Variants in RHOT1 observed in about 807,000 individuals in gnomAD.
The protein encoded by RHOT1 is mitochondrial Rho GTPase 1.
A neutral mutation model predicts 95.3 loss-of-function variants in RHOT1; 27 were observed. The observed-to-expected ratio is 0.28, with a 90% confidence interval of 0.21 to 0.39. The LOEUF is 0.39. Ranked by LOEUF, RHOT1 falls within the 10% of genes least tolerant of loss-of-function variation. RHOT1 has a pLI of 1.00. For missense variants in RHOT1, 578 were observed against 786.7 expected (o/e 0.73, Z 3.17); for synonymous variants, 227 against 263.5 (o/e 0.86, Z 1.34).
intron 8 of RHOT1, among the ~76,000 whole-genome samples, chr17:32,186,530 A>AT (rs1285437487): frequency 1.1e-4 from 16 of 151,314 alleles, no homozygotes; most frequent in East Asian, 2.0e-4. Context: ...CGCCCGGCTA[A>AT]TTTTTTTTGT....
At chr17:32,171,534 G>T (rs369864780) in intron 2 of RHOT1, among the ~76,000 whole-genome samples, 1 of 152,078 alleles carries the variant, frequency 6.6e-6, no homozygotes, top group African/African-American at 2.4e-5. Flanking sequence ...TATTCTCTGT[G>T]TCTCAGTTGT....
chr17:32,220,274 A>T (rs957393146), intron 19 of RHOT1, among the ~76,000 whole-genome samples: 16 of 152,218 alleles, frequency 1.1e-4, no homozygotes, highest in African/African-American at 3.6e-4. Flanking sequence ...AAGCAGGAAG[A>T]TCACTTGAGC....
chr17:32,156,964 G>A (rs1338339994), intron 1 of RHOT1, among the ~76,000 whole-genome samples: 1 of 152,236 alleles, frequency 6.6e-6, no homozygotes, highest in Non-Finnish European at 1.5e-5. Flanking sequence ...GTATTTTATA[G>A]ATGAATAAGC....
chr17:32,163,226 A>G (rs952539875), intron 1 of RHOT1, among the ~76,000 whole-genome samples: 4 of 152,112 alleles, frequency 2.6e-5, no homozygotes, highest in African/African-American at 9.7e-5. Context: ...TAATGAGGAG[A>G]GAGACTGGAG....
chr17:32,161,048 CACAG>C (rs1327390414), intron 1 of RHOT1, among the ~76,000 whole-genome samples: 1 of 152,184 alleles, frequency 6.6e-6, no homozygotes, highest in Non-Finnish European at 1.5e-5. Context: ...CTGCCTGCTA[CACAG>C]ACAGACCAAT....
At position 32,202,851 on chromosome 17, in the gene RHOT1, A is replaced by G. The variant is rs572671723; in HGVS notation, c.1283A>G (p.Asn428Ser). Residue 428 changes from asparagine (N) to serine (S), a missense_variant, in exon 15 of 20, where the codon AAC becomes AGC. Physicochemically the swap from Asn to Ser is conservative, Grantham distance 46. Around this residue, in one of 4 missense-constraint regions of RHOT1, gnomAD observed 296 missense variants for 338.5 expected, o/e 0.87. Coordinates refer to ENST00000545287, the MANE Select transcript of RHOT1 (RefSeq NM_001033566.3). ...AGATGTAATGTAATTGGAGTGAAAA[A>G]CTGTGGGAAAAGTGGAGTTCTTCAG... ...VFRCNVIGVK[N>S]CGKSGVLQAL... 1.9e-6 allele frequency: 3 copies of G among 1,613,534 alleles called. No homozygotes were observed. The highest frequency in any genetic ancestry group is 2.5e-6 in the Non-Finnish European group (3 of 1,179,726).
intron 8 of RHOT1, among the ~76,000 whole-genome samples, chr17:32,186,939 C>A (rs9911425): frequency 2.6e-5 from 4 of 151,936 alleles, no homozygotes; most frequent in Admixed American, 2.0e-4. Flanking sequence ...TGCCTTTGCC[C>A]GCTTTTTAGT....
rs755028129 is a variant in RHOT1, at chr17:32,200,999, G to A, written c.1144G>A (p.Gly382Ser). The change falls in exon 14 of 20, where the codon GGC becomes AGC. Residue 382 changes from glycine to serine, a missense_variant. Around this residue, in one of 4 missense-constraint regions of RHOT1, gnomAD observed 296 missense variants for 338.5 expected, o/e 0.87. Coordinates refer to ENST00000545287, the MANE Select transcript of RHOT1 (RefSeq NM_001033566.3). ...TGTACAGCGGTGCCTGGAATATTTG[G>A]GCTATCTAGGCTATTCAATATTGAC... Reference protein sequence around the residue: ...LDVQRCLEYLGYLGYSILTEQ... With the variant: ...LDVQRCLEYLSYLGYSILTEQ... 15 of 1,612,318 alleles carry A rather than the reference G, an allele frequency of 9.3e-6. No individual in the cohort carries two copies. Among genetic ancestry groups the A allele is most frequent in the African/African-American group, 6.7e-5 (5 of 74,780 alleles).
At chr17:32,203,707 T>C (rs1053180864) in intron 15 of RHOT1, among the ~76,000 whole-genome samples, 183 bp from the exon 16 acceptor site, 2 of 152,216 alleles carry the variant, frequency 1.3e-5, no homozygotes, top group Non-Finnish European at 2.9e-5. Context: ...AATACATCTT[T>C]TATTTTAGGT....
At position 32,208,092 on chromosome 17, in the gene RHOT1, T is replaced by G. The variant is rs1487768703; in HGVS notation, c.1537-15T>G. 3.7e-6 allele frequency: 6 copies of G among 1,608,518 alleles called. No homozygotes were observed. In the Admixed American group the frequency reaches 5.0e-5, roughly 13 times the overall value. On this transcript the variant is annotated splice_polypyrimidine_tract_variant and intron_variant, in intron 17 of 19. Coordinates refer to ENST00000545287, the MANE Select transcript of RHOT1 (RefSeq NM_001033566.3). ...AACTTGTTATCAGATTTTGATTTCA[T>G]TTTTTATTCCATAGCAACACTTTAT...
At position 32,195,264 on chromosome 17, in the gene RHOT1, T is replaced by C. The variant is rs528585023; in HGVS notation, c.869+1157T>C. ...GTGTGCAACACAATGCCTGGCTTTT[T>C]TTTCTTTCTTTCTTTGTTTTCTTTT... On this transcript the variant is annotated intron_variant, in intron 11 of 19. Coordinates refer to ENST00000545287, the MANE Select transcript of RHOT1 (RefSeq NM_001033566.3). Among the ~76,000 whole-genome samples the C allele has an allele frequency of 9.2e-5, 14 of 152,190 alleles. No homozygotes were observed. In the East Asian group the frequency reaches 1.4e-3, roughly 15 times the overall value.
intron 6 of RHOT1, among the ~76,000 whole-genome samples, chr17:32,181,446 A>G (rs2035627462): frequency 6.6e-6 from 1 of 152,210 alleles, no homozygotes; most frequent in Admixed American, 6.5e-5. Context: ...TCTGTCTTAT[A>G]AAATATATCT....
At chr17:32,198,573 G>T (rs896956703) in intron 11 of RHOT1, among the ~76,000 whole-genome samples, 5 of 152,128 alleles carry the variant, frequency 3.3e-5, no homozygotes, top group African/African-American at 1.2e-4. Flanking sequence ...GCCAGGCATG[G>T]TAGTGTGCGC....
In RHOT1 at chr17:32,158,084, G is replaced by T. The variant is rs111836667; in HGVS notation, c.38-12959G>T. 1.8e-3 allele frequency among the ~76,000 whole-genome samples: 276 copies of T among 152,214 alleles called. 1 individual carries two copies. The highest frequency in any genetic ancestry group is 6.3e-3 in the African/African-American group (262 of 41,534). On this transcript the variant is annotated intron_variant, in intron 1 of 19. Transcript: ENST00000545287. Reference sequence around the variant, plus strand: ...TTGCCCAGGCTGGTCTCAAACTCCTGGGCTGAAGTGATCTGCCTGCCTCAG... The same window carrying T: ...TTGCCCAGGCTGGTCTCAAACTCCTTGGCTGAAGTGATCTGCCTGCCTCAG...
At chr17:32,188,449 G>C (rs923165799) in intron 8 of RHOT1, among the ~76,000 whole-genome samples, 2 of 152,156 alleles carry the variant, frequency 1.3e-5, no homozygotes, top group Non-Finnish European at 2.9e-5. Context: ...AATACCTTGT[G>C]CTCTATAAAG....
Position 32,211,130 on chromosome 17 carries a change from G to C in RHOT1, c.1754G>C (p.Arg585Pro). The change falls in exon 19 of 20, where the codon CGC (arginine) becomes CCC (proline). Residue 585 changes from arginine to proline, a missense_variant. This residue lies in a region of RHOT1 where 296 missense variants were observed against 338.5 expected (regional missense o/e 0.87). Transcript: ENST00000545287. ...TGTTTTCGCAGCCATGCCCGGTTAC[G>C]CTGTATGTGCACCTGCAACAGGTGT... Reference protein sequence around the residue: ...TMAMYPHARLRCMCTCNRCTF... With the variant: ...TMAMYPHARLPCMCTCNRCTF... 1.2e-6 allele frequency: 2 copies of C among 1,607,260 alleles called. No individual in the cohort carries two copies. The highest frequency in any genetic ancestry group is 1.7e-6 in the Non-Finnish European group (2 of 1,175,226).
intron 12 of RHOT1, 151 bp downstream of exon 12, chr17:32,199,182 T>C: frequency 1.3e-6 from 1 of 743,834 alleles, no homozygotes; most frequent in Non-Finnish European, 2.1e-6. Context: ...TATTTTCTGC[T>C]GTTTACCTTT....
intron 6 of RHOT1, 108 bp downstream of exon 6, chr17:32,176,321 T>G (rs2034995524): frequency 1.2e-6 from 1 of 862,582 alleles, no homozygotes. Flanking sequence ...TTAAATTTAC[T>G]AGGTAACGTT....
chr17:32,175,695 A>C (rs1023787058), intron 4 of RHOT1, among the ~76,000 whole-genome samples: 1 of 152,094 alleles, frequency 6.6e-6, no homozygotes, highest in African/African-American at 2.4e-5. Flanking sequence ...CCCTCAAGTG[A>C]TACACCCCGT....
Sources: gnomAD v4.1 joint callset for allele counts (sites outside exome capture counted in the v4.1 genomes callset) on GRCh38, gnomAD v4.1.1 for gene constraint, gnomAD v4.1.1 regional missense constraint, MANE v1.5 for transcripts, NCBI Gene and HGNC (gene_info 2026-07-23, HGNC 2026-07-21) for gene names.